CCDC180: variants seen among roughly 807,000 people sequenced by gnomAD.
CCDC180 encodes the protein coiled-coil domain-containing protein 180.
CCDC180 carries 154 observed loss-of-function variants against 209.2 expected under a neutral mutation model. The ratio of observed to expected loss-of-function variants is 0.74; its 90% confidence interval spans 0.65 to 0.84. The LOEUF (loss-of-function observed/expected upper bound fraction) is 0.84, where lower values mean the gene tolerates loss of function less well. CCDC180 is among the 40% of genes least tolerant of loss of function. CCDC180 has a pLI of 0.00. For missense variants in CCDC180, 1,874 were observed against 1,997.3 expected, an observed-to-expected ratio of 0.94 and a Z score of 1.18; for synonymous variants, 778 against 749.1, an observed-to-expected ratio of 1.04 and a Z score of -0.63.
intron 18 of CCDC180, among the ~76,000 whole-genome samples, chr9:97,343,092 T>G (rs1440947739): frequency 2.6e-5 from 4 of 152,210 alleles, no homozygotes; most frequent in African/African-American, 9.7e-5. Context: ...AAAGATGCCA[T>G]GTGGGAATGC....
rs761021528 is a variant in CCDC180, at chr9:97,314,928, G to A, written c.777G>A (p.Leu259=). 6.2e-7 allele frequency: 1 copy of A among 1,613,868 alleles called. No homozygotes were observed. Among genetic ancestry groups the A allele is most frequent in the Non-Finnish European group, 8.5e-7 (1 of 1,179,788 alleles). Residue 259 remains leucine (L), a synonymous_variant, in exon 8 of 37, where the codon CTG becomes CTA. Coordinates refer to ENST00000529487, the MANE Select transcript of CCDC180 (RefSeq NM_020893.6). ...TCATGCGGCCCGAAGTGTACAGGCT[G>A]ATAAATGAAGAAGCCATGGTGAGTG... ...SYLMRPEVYR[L]INEEAMVMNY...
At position 97,371,682 on chromosome 9, in the gene CCDC180, A is replaced by G. The variant is rs1381106744; in HGVS notation, c.4576A>G (p.Thr1526Ala). 1.9e-6 allele frequency: 3 copies of G among 1,600,764 alleles called. No homozygotes were observed. The highest frequency in any genetic ancestry group is 1.7e-4 in the Middle Eastern group (1 of 6,020). Residue 1526 changes from threonine (T) to alanine (A), a missense_variant, in exon 34 of 37, where the codon ACC becomes GCC. Thr to Ala is a moderately conservative substitution (Grantham distance 58, BLOSUM62 0). Transcript: ENST00000529487. The part of the protein sequence containing the change: ...KFLLQLDEVV[T>A]IDDVQVARME... ...CCTACTGCAGTTGGATGAGGTGGTC[A>G]CCATTGACGATGTCCAGGTTGCAAG...
chr9:97,309,015 C>T (rs908214006), intron 2 of CCDC180, among the ~76,000 whole-genome samples: 1 of 152,278 alleles, frequency 6.6e-6, no homozygotes, highest in Admixed American at 6.5e-5. Context: ...ATATCATCTC[C>T]TAAGCATTTC....
At chr9:97,354,820 T>C in intron 23 of CCDC180, 72 bp from the exon 24 acceptor site, 1 of 1,553,340 alleles carries the variant, frequency 6.4e-7, no homozygotes, top group African/African-American at 1.4e-5. Context: ...ACTGGGCCTG[T>C]CCCCCTCCTC....
At chr9:97,369,237 A>T (rs2117965087) in intron 31 of CCDC180, 1 of 152,336 alleles carries the variant, frequency 6.6e-6, no homozygotes, top group Middle Eastern at 3.4e-3. Context: ...TGAATGAAAG[A>T]GCAGGTCTAA....
chr9:97,350,334 C>T, intron 21 of CCDC180, 75 bp from the exon 22 acceptor site: 1 of 1,426,326 alleles, frequency 7.0e-7, no homozygotes, highest in Non-Finnish European at 9.5e-7. Context: ...GGCTGATCAC[C>T]ATCACCACCT....
At chr9:97,317,978 C>T (rs149174007) in intron 9 of CCDC180, among the ~76,000 whole-genome samples, 54 of 152,314 alleles carry the variant, frequency 3.5e-4, no homozygotes, top group African/African-American at 1.3e-3. Context: ...CAATGGCTGC[C>T]GTTTACTGGG....
At chr9:97,343,640 AG>A in intron 19 of CCDC180, 77 bp downstream of exon 19, 4 of 1,069,370 alleles carry the variant, frequency 3.7e-6, no homozygotes, top group Non-Finnish European at 4.0e-6. Flanking sequence ...AAAAAAAAAA[AG>A]GATTGGGCTG....
chr9:97,346,773 C>T (rs767877984), intron 19 of CCDC180, among the ~76,000 whole-genome samples: 56 of 152,144 alleles, frequency 3.7e-4, no homozygotes, highest in Non-Finnish European at 4.0e-4. Flanking sequence ...ATGGGGGTCT[C>T]ACCATGTTGC....
chr9:97,370,522 C>A, intron 32 of CCDC180, 119 bp from the exon 33 acceptor site: 1 of 1,164,246 alleles, frequency 8.6e-7, no homozygotes. Flanking sequence ...CACCCATCAC[C>A]CCCACACACC....
At chr9:97,315,995 A>G (rs550584620) in intron 8 of CCDC180, among the ~76,000 whole-genome samples, 13 of 152,360 alleles carry the variant, frequency 8.5e-5, no homozygotes, top group African/African-American at 2.6e-4. Context: ...ATGTCAAGCC[A>G]TCGTAAGTCG....
At chr9:97,369,871 G>A (rs1424087474) in intron 31 of CCDC180, 51 bp from the exon 32 acceptor site, 2 of 1,603,522 alleles carry the variant, frequency 1.2e-6, no homozygotes, top group African/African-American at 1.3e-5. Flanking sequence ...GCCTCTGCAA[G>A]TTGATTCTAA....
intron 13 of CCDC180, among the ~76,000 whole-genome samples, chr9:97,324,724 G>A (rs191768094): frequency 6.6e-6 from 1 of 152,326 alleles, no homozygotes; most frequent in East Asian, 1.9e-4. Flanking sequence ...CTGGTTTTTA[G>A]GAATGGCCCA....
intron 2 of CCDC180, among the ~76,000 whole-genome samples, chr9:97,308,776 A>G (rs949264447): frequency 3.9e-5 from 6 of 152,206 alleles, no homozygotes; most frequent in African/African-American, 1.4e-4. Context: ...ATTATCTGTA[A>G]AACCTCTGGA....
At chr9:97,345,472 C>A in intron 19 of CCDC180, 1 of 353,570 alleles carries the variant, frequency 2.8e-6, no homozygotes, top group South Asian at 2.3e-5. Flanking sequence ...TATTGTATAC[C>A]TTTAAAAATA....
intron 22 of CCDC180, among the ~76,000 whole-genome samples, chr9:97,351,937 AC>A (rs1462003617): frequency 6.6e-6 from 1 of 152,000 alleles, no homozygotes; most frequent in Non-Finnish European, 1.5e-5. Flanking sequence ...ACATGGAGAA[AC>A]CCCGTCTCTA....
chr9:97,338,155 A>G (rs1445198048), intron 18 of CCDC180, among the ~76,000 whole-genome samples: 3 of 152,146 alleles, frequency 2.0e-5, no homozygotes, highest in Admixed American at 6.5e-5. Context: ...TTGTGTCTCT[A>G]TCTCCTTCAG....
Position 97,314,690 on chromosome 9 carries a change from G to A in CCDC180, c.661G>A (p.Glu221Lys). ...GAAGCAGGAGATTAAGGAGCTGGAT[G>A]AGGCCCTGCACTCGCTGGAGTTCTC... ...LRKQEIKELD[E>K]ALHSLEFSRT... The change falls in exon 7 of 37, where the codon GAG becomes AAG. Residue 221 changes from glutamate (E) to lysine (K), a missense_variant. Physicochemically the swap from Glu to Lys is moderately conservative, Grantham distance 56. Coordinates refer to ENST00000529487, the MANE Select transcript of CCDC180 (RefSeq NM_020893.6). 1 of 1,614,052 alleles carries A rather than the reference G, an allele frequency of 6.2e-7. No individual in the cohort carries two copies. Among genetic ancestry groups the A allele is most frequent in the Non-Finnish European group, 8.5e-7 (1 of 1,180,014 alleles).
chr9:97,323,904 G>T lies in CCDC180; in HGVS notation c.1371+1G>T. ...GGAGGAGGACCTGGAGCTCTTGGACGTGCGTGCTGGGGACTGTTCCACTGG... is the reference window on the plus strand; with the variant it reads ...GGAGGAGGACCTGGAGCTCTTGGACTTGCGTGCTGGGGACTGTTCCACTGG... On this transcript the variant is annotated splice_donor_variant, in intron 13 of 36. Transcript: ENST00000529487. LOFTEE classifies it high-confidence loss of function. 1.9e-6 allele frequency: 3 copies of T among 1,553,178 alleles called. No homozygotes were observed. The highest frequency in any genetic ancestry group is 1.4e-5 in the African/African-American group (1 of 73,280).
Sources: allele counts gnomAD v4.1 joint callset (sites outside exome capture counted in the v4.1 genomes callset), GRCh38; gene constraint gnomAD v4.1.1; transcripts MANE v1.5; gene names NCBI Gene and HGNC (gene_info 2026-07-23, HGNC 2026-07-21).